UNC45A: variants seen among roughly 807,000 people sequenced by gnomAD.
UNC45A encodes unc-45 myosin chaperone A, also known as protein unc-45 homolog A.
In UNC45A, 78 loss-of-function variants were observed where a neutral mutation model predicts 103.2. The ratio of observed to expected loss-of-function variants is 0.76; its 90% CI spans 0.63 to 0.91. The LOEUF is 0.91. Among genes scored for constraint, UNC45A ranks in the 40% least tolerant of loss-of-function variants. The probability of loss-of-function intolerance (pLI) is 0.00; values close to 1 mark genes in which losing one functional copy is unlikely to be tolerated. For synonymous variants in UNC45A, 495 were observed against 504.6 expected, an observed-to-expected ratio of 0.98 and a Z score of 0.25; for missense variants, 1,193 against 1,224.8, an observed-to-expected ratio of 0.97 and a Z score of 0.39.
At chr15:90,931,603 A>C, upstream of UNC45A, 1 of 1,613,686 alleles carries the variant, frequency 6.2e-7, no homozygotes, top group East Asian at 2.2e-5. Flanking sequence ...TTAATTTGGG[A>C]ATTAAGAATG....
At chr15:90,953,411 G>A (rs1596246988) in intron 19 of UNC45A, 48 bp from the exon 20 acceptor site, 2 of 1,606,142 alleles carry the variant, frequency 1.2e-6, no homozygotes, top group South Asian at 2.2e-5. Context: ...CCCTTGCCAA[G>A]GTTGAGCCTG....
rs1401414824 is a variant in UNC45A, at chr15:90,944,802, G to A, written c.1028-90G>A. 3.4e-6 allele frequency: 5 copies of A among 1,459,884 alleles called. No homozygotes were observed. In the African/African-American group the frequency reaches 4.2e-5, roughly 12 times the overall value. 90.4% of individuals were successfully genotyped at this position (1,459,884 alleles called of 1,614,324 possible). ...CAGAACTCTGTAGCCTTCTTGTCTTGCTTTTCTCCACATCTCCTAGGAAGC... is the reference window on the plus strand; with the variant it reads ...CAGAACTCTGTAGCCTTCTTGTCTTACTTTTCTCCACATCTCCTAGGAAGC... On this transcript the variant is annotated intron_variant, in intron 8 of 19. Transcript: ENST00000418476.
At chr15:90,937,509 C>T (rs749509036) in intron 4 of UNC45A, among the ~76,000 whole-genome samples, 50 of 143,630 alleles carry the variant, frequency 3.5e-4, no homozygotes, top group Non-Finnish European at 6.3e-4. Flanking sequence ...TTTTTTGAGA[C>T]GGAGTCTTGC....
chr15:90,951,787 G>A (rs539448337), intron 17 of UNC45A, among the ~76,000 whole-genome samples: 13 of 151,926 alleles, frequency 8.6e-5, no homozygotes, highest in South Asian at 4.2e-4. Flanking sequence ...GTGTGGTGGC[G>A]TGCACCTGTA....
chr15:90,944,384 T>TA (rs531024749), intron 8 of UNC45A, among the ~76,000 whole-genome samples: 2,647 of 145,118 alleles, frequency 0.018, 29 homozygotes, highest in Admixed American at 0.022. Flanking sequence ...GACTCTGTCT[T>TA]AAAAAAAAAA....
chr15:90,950,646 C>A, intron 17 of UNC45A, 31 bp downstream of exon 17: 1 of 1,603,398 alleles, frequency 6.2e-7, no homozygotes, highest in Non-Finnish European at 8.5e-7. Flanking sequence ...GGGGCCTGGA[C>A]CAGGCATCGG....
Position 90,942,818 on chromosome 15 carries a change from C to T in UNC45A, c.857-94C>T, listed in dbSNP as rs542786254. 2.2e-4 allele frequency: 337 copies of T among 1,523,314 alleles called. 8 individuals are homozygous for T. In the South Asian group the frequency reaches 4.1e-3, roughly 19 times the overall value. The allele number at this position is 1,523,314 out of a possible 1,614,324, so 94.4% of individuals were successfully genotyped here. On this transcript the variant is annotated intron_variant, in intron 7 of 19. Transcript: ENST00000418476. The stretch of plus-strand genomic sequence containing the variant: ...CTGGAGCCTGGGATGCGGATCCCCC[C>T]TTCCCTGTGTCTCCCTGGTTTGTTG...
chr15:90,953,207 T>C lies in UNC45A; in HGVS notation c.2474T>C (p.Leu825Pro). Residue 825 changes from leucine (L) to proline (P), a missense_variant, in exon 19 of 20, where the codon CTG (leucine) becomes CCG (proline). Transcript: ENST00000418476. ...AATGACCGACTGAAGCTGCTGGTGC[T>C]GTACAGTGGAGAGGATGATGAGCTG... is the stretch of plus-strand genomic sequence containing the variant. The part of the protein sequence containing the change: ...QGNDRLKLLV[L>P]YSGEDDELLQ... The C allele has an allele frequency of 6.2e-7, 1 of 1,613,924 alleles. No individual in the cohort carries two copies. The highest frequency in any genetic ancestry group is 8.5e-7 in the Non-Finnish European group (1 of 1,180,016).
chr15:90,946,548 A>C, intron 9 of UNC45A, 66 bp from the exon 10 acceptor site: 1 of 1,480,064 alleles, frequency 6.8e-7, no homozygotes, highest in Non-Finnish European at 9.0e-7. Context: ...AGTGGAGGGG[A>C]AGGGAGGGAA....
In UNC45A at chr15:90,953,278, C is replaced by A. The variant is rs764955780; in HGVS notation, c.2545C>A (p.Arg849=). 6.2e-7 allele frequency: 1 copy of A among 1,612,092 alleles called. No homozygotes were observed. Among genetic ancestry groups the A allele is most frequent in the African/African-American group, 1.3e-5 (1 of 74,916 alleles). The change falls in exon 19 of 20, where the codon CGG becomes AGG. Residue 849 remains arginine, a synonymous_variant. Transcript: ENST00000418476. ...AGGLAMLTSM[R]PTLCSRIPQV... Reference sequence around the variant, plus strand: ...GGGCTTGGCCATGCTTACCTCCATGCGGCCCACGCTCTGCAGCCGCATTCC... The same window carrying A: ...GGGCTTGGCCATGCTTACCTCCATGAGGCCCACGCTCTGCAGCCGCATTCC...
chr15:90,950,347 A>G (rs1489344182), intron 16 of UNC45A, 80 bp downstream of exon 16: 1 of 1,503,740 alleles, frequency 6.7e-7, no homozygotes, highest in Non-Finnish European at 9.0e-7. Context: ...CCCCTTTGGG[A>G]CCAGCAGGAA....
chr15:90,934,225 A>G, upstream of UNC45A: 1 of 399,544 alleles, frequency 2.5e-6, no homozygotes, highest in East Asian at 3.6e-5. Context: ...GGATGGGTGG[A>G]AGGGCATCTT....
upstream of UNC45A, chr15:90,932,728 A>G: frequency 2.5e-6 from 1 of 398,582 alleles, no homozygotes; most frequent in Non-Finnish European, 4.4e-6. Context: ...AGCTGCCTTC[A>G]GCATCGCAGC....
intron 16 of UNC45A, 22 bp from the exon 17 acceptor site, chr15:90,950,478 A>C: frequency 6.2e-7 from 1 of 1,610,202 alleles, no homozygotes; most frequent in Non-Finnish European, 8.5e-7. Flanking sequence ...AGTACCCCTG[A>C]CAGGTGGGGT....
chr15:90,951,556 A>C (rs778661646), intron 17 of UNC45A, among the ~76,000 whole-genome samples: 1 of 151,536 alleles, frequency 6.6e-6, no homozygotes, highest in African/African-American at 2.4e-5. Flanking sequence ...GGAGCCCAGA[A>C]GTTCAGGCCA....
At chr15:90,931,818 C>A, upstream of UNC45A, 1 of 1,614,138 alleles carries the variant, frequency 6.2e-7, no homozygotes, top group Non-Finnish European at 8.5e-7. Flanking sequence ...CTCTTTCTCT[C>A]CAGCTTGGGC....
chr15:90,931,584 C>T, upstream of UNC45A: 1 of 1,614,080 alleles, frequency 6.2e-7, no homozygotes. Flanking sequence ...AAAGAGTGGT[C>T]CAGTAGGATT....
intron 1 of UNC45A, 71 bp from the exon 2 acceptor site, chr15:90,935,473 C>T: frequency 6.4e-7 from 1 of 1,574,276 alleles, no homozygotes; most frequent in Non-Finnish European, 8.6e-7. Flanking sequence ...GATCCCTCCT[C>T]TCCTCTCCCC....
At chr15:90,945,169 T>C in intron 9 of UNC45A, 106 bp downstream of exon 9, 1 of 1,442,942 alleles carries the variant, frequency 6.9e-7, no homozygotes, top group Non-Finnish European at 9.3e-7. Context: ...ACAGTAATCT[T>C]GGGGAGGACT....
Sources: allele counts gnomAD v4.1 joint callset (sites outside exome capture counted in the v4.1 genomes callset), GRCh38; gene constraint gnomAD v4.1.1; transcripts MANE v1.5; gene names NCBI Gene and HGNC (gene_info 2026-07-23, HGNC 2026-07-21).